The following PCDH15 variants were observed in gnomAD, a reference collection of about 807,000 sequenced individuals.
The protein encoded by PCDH15 is protocadherin related 15.
In PCDH15, 129 loss-of-function variants were observed where a neutral mutation model predicts 178.5. The ratio of observed to expected loss-of-function variants is 0.72; its 90% confidence interval spans 0.63 to 0.84. The LOEUF (loss-of-function observed/expected upper bound fraction) is 0.84. Among genes scored for constraint, PCDH15 ranks in the 40% least tolerant of loss-of-function variants. The probability of loss-of-function intolerance (pLI) is 0.00; values close to 1 mark genes in which losing one functional copy is unlikely to be tolerated. For missense variants in PCDH15, 2,230 were observed against 2,099.9 expected (o/e 1.06, Z -1.21); for synonymous variants, 800 against 732.0 (o/e 1.09, Z -1.50).
At chr10:55,616,821 T>C (rs557306562) in intron 2 of PCDH15, among the ~76,000 whole-genome samples, 108 of 152,240 alleles carry the variant, frequency 7.1e-4, no homozygotes, top group African/African-American at 2.5e-3. Flanking sequence ...GGTGGTTACT[T>C]CTAGATGTCA....
intron 5 of PCDH15, among the ~76,000 whole-genome samples, chr10:54,355,953 T>C (rs1345913009): frequency 1.3e-5 from 2 of 152,074 alleles, no homozygotes; most frequent in Non-Finnish European, 2.9e-5. Context: ...CTTTCCTCAA[T>C]TATATTTCAA....
At chr10:53,980,220 CA>C (rs11393600) in intron 21 of PCDH15, among the ~76,000 whole-genome samples, 14 of 137,358 alleles carry the variant, frequency 1.0e-4, no homozygotes, top group South Asian at 2.3e-4. Context: ...GACTCCATCT[CA>C]AAAAAAAAAA....
At chr10:54,145,765 G>A (rs1256835528) in intron 14 of PCDH15, among the ~76,000 whole-genome samples, 1 of 151,986 alleles carries the variant, frequency 6.6e-6, no homozygotes, top group East Asian at 1.9e-4. Context: ...TACAGAGGTG[G>A]GACTCATGGG....
chr10:54,821,788 G>A (rs958811079), intron 3 of PCDH15, among the ~76,000 whole-genome samples: 6 of 151,966 alleles, frequency 3.9e-5, no homozygotes, highest in Non-Finnish European at 8.8e-5. Flanking sequence ...GTCATTTTTG[G>A]TAGATTCTCC....
intron 9 of PCDH15, among the ~76,000 whole-genome samples, chr10:54,233,936 T>C (rs2054339770): frequency 6.6e-6 from 1 of 152,184 alleles, no homozygotes; most frequent in South Asian, 2.1e-4. Flanking sequence ...GACCTCGTCA[T>C]AGACATCAGC....
intron 2 of PCDH15, among the ~76,000 whole-genome samples, chr10:55,460,434 T>C: frequency 6.6e-6 from 1 of 151,950 alleles, no homozygotes; most frequent in East Asian, 1.9e-4. Context: ...TTTGTTTCAT[T>C]TTGGGTGGGT....
intron 2 of PCDH15, among the ~76,000 whole-genome samples, chr10:55,116,815 A>T (rs113403010): frequency 9.1e-4 from 138 of 152,302 alleles, no homozygotes; most frequent in African/African-American, 3.0e-3. Flanking sequence ...GAAAGAATTA[A>T]CTGGCTTTCC....
chr10:54,906,766 T>C (rs1954730138), intron 2 of PCDH15, among the ~76,000 whole-genome samples: 1 of 152,180 alleles, frequency 6.6e-6, no homozygotes, highest in East Asian at 1.9e-4. Flanking sequence ...TAGGAATCCA[T>C]GACTGTATGT....
intron 2 of PCDH15, among the ~76,000 whole-genome samples, chr10:54,624,655 G>A (rs750469937): frequency 2.8e-4 from 42 of 152,212 alleles, no homozygotes; most frequent in Non-Finnish European, 4.3e-4. Flanking sequence ...GGCGAATGGT[G>A]AGTGAGCAAG....
At chr10:53,948,280 T>A (rs1453386307) in intron 23 of PCDH15, among the ~76,000 whole-genome samples, 2 of 152,170 alleles carry the variant, frequency 1.3e-5, no homozygotes, top group Admixed American at 1.3e-4. Context: ...TATGGATATA[T>A]TAAAGTAGCA....
In PCDH15 at chr10:54,689,954, C is replaced by T. The variant is rs114082012; in HGVS notation, c.-28-25664G>A. Among the ~76,000 whole-genome samples, 472 of 152,218 alleles carry T rather than the reference C, an allele frequency of 3.1e-3. 6 individuals are homozygous for T. Among genetic ancestry groups the T allele is most frequent in the African/African-American group, 0.011 (449 of 41,556 alleles). On this transcript the variant is annotated intron_variant, in intron 1 of 37. Transcript: ENST00000644397. ...TGAGAGGTCATCAAACAGACAAAAA[C>T]GTTTTGAACATAGGTTATAAGCAAT...
chr10:54,342,609 GAA>G (rs1299986082), intron 6 of PCDH15, among the ~76,000 whole-genome samples: 1 of 148,392 alleles, frequency 6.7e-6, no homozygotes, highest in Non-Finnish European at 1.5e-5. Context: ...GTGGAGCTGT[GAA>G]AAGAGTCCCA....
At chr10:54,560,313 T>C (rs975880300) in intron 2 of PCDH15, among the ~76,000 whole-genome samples, 3 of 152,226 alleles carry the variant, frequency 2.0e-5, no homozygotes, top group East Asian at 1.9e-4. Flanking sequence ...TCGGCCTAGA[T>C]AGAGATTTCT....
chr10:55,179,553 C>G (rs114489752), intron 1 of PCDH15, among the ~76,000 whole-genome samples: 23 of 111,162 alleles, frequency 2.1e-4, no homozygotes, highest in Non-Finnish European at 2.9e-4. Context: ...ACACTCCCCC[C>G]CATTCTAAGC....
chr10:54,270,107 T>A (rs1003191889), intron 8 of PCDH15, among the ~76,000 whole-genome samples: 1 of 152,140 alleles, frequency 6.6e-6, no homozygotes. Context: ...TTTTGTTTCA[T>A]ATTTTTTACT....
intron 2 of PCDH15, among the ~76,000 whole-genome samples, chr10:54,933,324 T>C (rs1287907932): frequency 2.0e-5 from 3 of 152,138 alleles, no homozygotes; most frequent in Admixed American, 6.5e-5. Flanking sequence ...GTCTGCTGAT[T>C]GTGACAGTTT....
intron 1 of PCDH15, among the ~76,000 whole-genome samples, chr10:54,697,061 C>T (rs921227155): frequency 1.3e-5 from 2 of 151,954 alleles, no homozygotes; most frequent in Non-Finnish European, 2.9e-5. Flanking sequence ...AAATGCACAT[C>T]ACTGAACCCA....
At chr10:53,987,812 T>G (rs1371886519) in intron 21 of PCDH15, among the ~76,000 whole-genome samples, 1 of 152,164 alleles carries the variant, frequency 6.6e-6, no homozygotes, top group Non-Finnish European at 1.5e-5. Flanking sequence ...TTCTCTCCAT[T>G]GAAAACTTCT....
chr10:53,902,173 A>T (rs1023816662), intron 26 of PCDH15, among the ~76,000 whole-genome samples: 3 of 152,182 alleles, frequency 2.0e-5, no homozygotes, highest in African/African-American at 7.2e-5. Context: ...AATTAAATGT[A>T]ATGAATGACA....
Sources: gnomAD v4.1 joint callset for allele counts (sites outside exome capture counted in the v4.1 genomes callset) on GRCh38, gnomAD v4.1.1 for gene constraint, MANE v1.5 for transcripts, NCBI Gene and HGNC (gene_info 2026-07-23, HGNC 2026-07-21) for gene names.